Variants in NHSL1 observed in about 807,000 individuals in gnomAD.
NHSL1 encodes NHS-like protein 1.
In NHSL1, 48 loss-of-function variants were observed where a neutral mutation model predicts 95.0. The observed-to-expected ratio is 0.51, with a 90% CI of 0.40 to 0.64. NHSL1 has a LOEUF of 0.64. Ranked by LOEUF, NHSL1 falls within the 30% of genes least tolerant of loss-of-function variation. The pLI is 0.00. For synonymous variants in NHSL1, 783 were observed against 833.9 expected (o/e 0.94, Z 1.05); for missense variants, 1,971 against 2,077.7 (o/e 0.95, Z 1.00).
chr6:138,654,274 A>G (rs772923910), intron 1 of NHSL1, among the ~76,000 whole-genome samples: 3 of 152,216 alleles, frequency 2.0e-5, no homozygotes, highest in Non-Finnish European at 2.9e-5. Context: ...ATGCTTGCAA[A>G]AAAAATTAAC....
chr6:138,431,139 G>T lies in NHSL1; in HGVS notation c.3206C>A (p.Thr1069Asn). Residue 1069 changes from threonine (T) to asparagine (N), a missense_variant, in exon 6 of 8, where the codon ACC (threonine) becomes AAC (asparagine). By Grantham distance (65) the Thr-to-Asn change is moderately conservative. Coordinates refer to ENST00000343505, the MANE Select transcript of NHSL1 (RefSeq NM_001144060.2). The surrounding 1 kb of genome is among the most constrained non-coding windows in gnomAD (Gnocchi z 4.0). ...ETSRPPMPLI[T>N]TEALQMVQLR... ...CTGCACCATCTGCAATGCTTCCGTG[G>T]TTATCAGGGGCATGGGGGGCCTGCT... is the stretch of plus-strand genomic sequence containing the variant. The T allele has an allele frequency of 6.4e-7, 1 of 1,551,726 alleles. No individual in the cohort carries two copies. The highest frequency in any genetic ancestry group is 8.7e-7 in the Non-Finnish European group (1 of 1,146,980).
intron 1 of NHSL1, among the ~76,000 whole-genome samples, chr6:138,541,546 G>A (rs1782581454): frequency 6.6e-6 from 1 of 152,158 alleles, no homozygotes; most frequent in Non-Finnish European, 1.5e-5. Context: ...CTTAGCAACA[G>A]AGTCCCCTTT....
At chr6:138,479,947 C>G (rs1779315522) in intron 2 of NHSL1, among the ~76,000 whole-genome samples, 1 of 152,102 alleles carries the variant, frequency 6.6e-6, no homozygotes, top group African/African-American at 2.4e-5. Context: ...GTATGACCTG[C>G]TTAAATGAGA....
chr6:138,594,554 T>C (rs749231688), intron 1 of NHSL1, among the ~76,000 whole-genome samples: 1 of 151,942 alleles, frequency 6.6e-6, no homozygotes, highest in South Asian at 2.1e-4. Flanking sequence ...CTAGGGAGCT[T>C]TTCACTCCAC....
At chr6:138,539,276 T>C (rs1782485636) in intron 1 of NHSL1, among the ~76,000 whole-genome samples, 1 of 152,220 alleles carries the variant, frequency 6.6e-6, no homozygotes, top group Non-Finnish European at 1.5e-5. Context: ...TGCCAAACTG[T>C]TTAATCATGC....
At chr6:138,485,496 T>C (rs576950836) in intron 2 of NHSL1, among the ~76,000 whole-genome samples, 1 of 151,934 alleles carries the variant, frequency 6.6e-6, no homozygotes, top group Non-Finnish European at 1.5e-5. Context: ...ACACGTCTCT[T>C]TAACTATCTG....
intron 1 of NHSL1, among the ~76,000 whole-genome samples, chr6:138,560,848 G>A (rs937129106): frequency 6.6e-6 from 1 of 152,156 alleles, no homozygotes; most frequent in South Asian, 2.1e-4. Flanking sequence ...TAGCTGAGGC[G>A]TTTCTAGTTA....
chr6:138,636,592 A>G (rs1041420250), intron 1 of NHSL1, among the ~76,000 whole-genome samples: 1 of 152,218 alleles, frequency 6.6e-6, no homozygotes, highest in Non-Finnish European at 1.5e-5. Context: ...CAACATAAAA[A>G]AATCAGTAGC....
chr6:138,555,234 C>A (rs1261596160), intron 1 of NHSL1, among the ~76,000 whole-genome samples: 1 of 152,138 alleles, frequency 6.6e-6, no homozygotes, highest in African/African-American at 2.4e-5. Flanking sequence ...TTCTCTCTAG[C>A]TTAAAGTCAG....
intron 2 of NHSL1, among the ~76,000 whole-genome samples, chr6:138,494,745 C>A (rs1780251015): frequency 6.6e-6 from 1 of 152,132 alleles, no homozygotes; most frequent in African/African-American, 2.4e-5. Context: ...ATAACAAATA[C>A]TTCTTTGGTA....
At chr6:138,445,935 T>C (rs1182728714) in intron 4 of NHSL1, among the ~76,000 whole-genome samples, 1 of 152,226 alleles carries the variant, frequency 6.6e-6, no homozygotes, top group Non-Finnish European at 1.5e-5. Flanking sequence ...GTTGAAGCTA[T>C]TAACTCTTCA....
At chr6:138,439,513 GA>G (rs749064999) in intron 5 of NHSL1, among the ~76,000 whole-genome samples, 43 of 152,166 alleles carry the variant, frequency 2.8e-4, no homozygotes, top group Admixed American at 5.2e-4. Flanking sequence ...AGATCAACCA[GA>G]AGTCCTGAAA....
At chr6:138,465,414 CA>C (rs1778296343) in intron 3 of NHSL1, among the ~76,000 whole-genome samples, 1 of 152,168 alleles carries the variant, frequency 6.6e-6, no homozygotes, top group Non-Finnish European at 1.5e-5. Context: ...ATCATTCACA[CA>C]ACTACACTTT....
chr6:138,596,861 C>T (rs922662178), intron 1 of NHSL1, among the ~76,000 whole-genome samples: 36 of 152,170 alleles, frequency 2.4e-4, no homozygotes, highest in African/African-American at 7.7e-4. Context: ...TCCTACCTTG[C>T]GTGAGTTAAG....
upstream of NHSL1, among the ~76,000 whole-genome samples, chr6:138,548,950 G>A (rs116721956): frequency 4.3e-3 from 646 of 150,622 alleles, 3 homozygotes; most frequent in African/African-American, 0.015. Context: ...GTTGAATAGT[G>A]TCCACCCCAA....
Position 138,692,090 on chromosome 6 carries a change from T to C in NHSL1, c.96+386A>G, listed in dbSNP as rs1315142601. The C allele has an allele frequency of 2.2e-6, 1 of 456,318 alleles. No homozygotes were observed. Among genetic ancestry groups the C allele is most frequent in the Admixed American group, 2.3e-5 (1 of 42,560 alleles). The allele number at this position is 456,318 out of a possible 1,614,324, so 28.3% of individuals were successfully genotyped here. A position where few individuals can be genotyped will look rare whatever the true frequency, so the allele number is the denominator to read the frequency against. Reference sequence around the variant, plus strand: ...CTACTATATGCCCAAATTTATATTCTCCCCTGGCTTTTCCAACAGGCTACC... The same window carrying C: ...CTACTATATGCCCAAATTTATATTCCCCCCTGGCTTTTCCAACAGGCTACC... On this transcript the variant is annotated intron_variant, in intron 1 of 3. Transcript: ENST00000491526. The surrounding 1 kb of genome is among the most constrained non-coding windows in gnomAD (Gnocchi z 4.0).
intron 1 of NHSL1, among the ~76,000 whole-genome samples, chr6:138,498,153 T>C (rs138216629): frequency 6.6e-6 from 1 of 152,316 alleles, no homozygotes; most frequent in African/African-American, 2.4e-5. Flanking sequence ...CCAGAGTTCA[T>C]CACAGTGTTT....
At chr6:138,550,610 AC>A (rs1313279969), upstream of NHSL1, among the ~76,000 whole-genome samples, 2 of 152,240 alleles carry the variant, frequency 1.3e-5, no homozygotes, top group Non-Finnish European at 2.9e-5. Flanking sequence ...AGTGGTATCC[AC>A]ACATGCAGCC....
At chr6:138,641,542 G>A (rs1411352598) in intron 1 of NHSL1, among the ~76,000 whole-genome samples, 1 of 148,456 alleles carries the variant, frequency 6.7e-6, no homozygotes, top group Admixed American at 6.8e-5. Flanking sequence ...AGAATCGCTT[G>A]AACCCGGAAG....
Sources: allele counts gnomAD v4.1 joint callset (sites outside exome capture counted in the v4.1 genomes callset), GRCh38; gene constraint gnomAD v4.1.1; non-coding constraint Gnocchi (gnomAD v3.1); transcripts MANE v1.5; gene names NCBI Gene and HGNC (gene_info 2026-07-23, HGNC 2026-07-21).